PPP2R5C: variants seen among roughly 807,000 people sequenced by gnomAD.
PPP2R5C encodes protein phosphatase 2 regulatory subunit B'gamma.
A neutral mutation model predicts 68.9 loss-of-function variants in PPP2R5C; 7 were observed. The ratio of observed to expected loss-of-function variants is 0.10; its 90% confidence interval spans 0.06 to 0.19. The LOEUF (loss-of-function observed/expected upper bound fraction) is 0.19. PPP2R5C is among the 10% of genes least tolerant of loss of function. PPP2R5C has a pLI of 1.00. For missense variants in PPP2R5C, 348 were observed against 641.3 expected (o/e 0.54, Z 4.94); for synonymous variants, 210 against 222.2 (o/e 0.95, Z 0.49).
chr14:101,772,641 T>A (rs2037211089), intron 2 of PPP2R5C, among the ~76,000 whole-genome samples: 1 of 151,972 alleles, frequency 6.6e-6, no homozygotes, highest in Non-Finnish European at 1.5e-5. Flanking sequence ...TTAAAAATTT[T>A]TTTTAAAAGC....
At chr14:101,901,441 C>G (rs1337069654) in intron 8 of PPP2R5C, among the ~76,000 whole-genome samples, 3 of 152,202 alleles carry the variant, frequency 2.0e-5, no homozygotes, top group Non-Finnish European at 4.4e-5. Context: ...AGGAGGATCA[C>G]TTGAGCCAAG....
intron 3 of PPP2R5C, among the ~76,000 whole-genome samples, chr14:101,792,021 G>T (rs557335645): frequency 2.0e-5 from 3 of 152,150 alleles, no homozygotes; most frequent in Admixed American, 2.0e-4. Flanking sequence ...GCCAATCTGG[G>T]AGTGCCTTAA....
At chr14:101,924,445 C>CTTTTATTTTTTTTTTTTTTTTTT (rs2047178458) in intron 13 of PPP2R5C, among the ~76,000 whole-genome samples, 1 of 84,502 alleles carries the variant, frequency 1.2e-5, no homozygotes, top group African/African-American at 4.3e-5. Context: ...ATTTCTACAT[C>CTTTTATTTTTTTTTTTTTTTTTT]TTTTTTTTTT....
chr14:101,837,657 G>A (rs2041199493), intron 1 of PPP2R5C, among the ~76,000 whole-genome samples: 1 of 152,156 alleles, frequency 6.6e-6, no homozygotes, highest in African/African-American at 2.4e-5. Flanking sequence ...ATGGAGGCGA[G>A]GACTGTGGGC....
At chr14:101,817,725 GTC>G (rs1397896945) in intron 1 of PPP2R5C, among the ~76,000 whole-genome samples, 1 of 117,898 alleles carries the variant, frequency 8.5e-6, no homozygotes, top group Non-Finnish European at 1.6e-5. Flanking sequence ...AAGCTGAACT[GTC>G]TAGGGCATGT....
chr14:101,814,178 G>A (rs2039526356), intron 1 of PPP2R5C, among the ~76,000 whole-genome samples: 1 of 152,226 alleles, frequency 6.6e-6, no homozygotes, highest in Non-Finnish European at 1.5e-5. Context: ...TTTGAATGAT[G>A]ACTAAACAGT....
At chr14:101,836,562 C>A (rs910741001) in intron 1 of PPP2R5C, 4 of 559,448 alleles carry the variant, frequency 7.1e-6, no homozygotes, top group Non-Finnish European at 9.6e-6. Context: ...AATATAATAT[C>A]TCTACTTTAA....
At chr14:101,763,098 T>C in intron 2 of PPP2R5C, 128 bp downstream of exon 2, 2 of 735,512 alleles carry the variant, frequency 2.7e-6, no homozygotes, top group Non-Finnish European at 2.2e-6. Context: ...TTTTGTGGTG[T>C]CTTTTATAAC....
intron 6 of PPP2R5C, among the ~76,000 whole-genome samples, 178 bp downstream of exon 8, chr14:101,890,474 A>G (rs1343647548): frequency 6.6e-6 from 1 of 152,198 alleles, no homozygotes; most frequent in African/African-American, 2.4e-5. Context: ...GAGCACGCCA[A>G]ATGACAAATC....
At chr14:101,820,226 C>T (rs2039967591) in intron 1 of PPP2R5C, 1 of 152,128 alleles carries the variant, frequency 6.6e-6, no homozygotes. Flanking sequence ...GTTTTTGGCC[C>T]ATGGTAAAAT....
intron 1 of PPP2R5C, chr14:101,836,041 C>T (rs2041071778): frequency 1.7e-6 from 1 of 599,656 alleles, no homozygotes. Flanking sequence ...TAGTAGGAAA[C>T]ACTAGTAAGA....
intron 8 of PPP2R5C, among the ~76,000 whole-genome samples, chr14:101,897,691 A>G (rs1245665480): frequency 6.6e-6 from 1 of 151,988 alleles, no homozygotes; most frequent in East Asian, 1.9e-4. Flanking sequence ...CCACTGACTC[A>G]CATGTTAATC....
At chr14:101,889,438 G>T (rs901205966) in intron 5 of PPP2R5C, among the ~76,000 whole-genome samples, 1 of 152,296 alleles carries the variant, frequency 6.6e-6, no homozygotes, top group East Asian at 1.9e-4. Context: ...CTCTCTTTGT[G>T]CCCGGTTTAT....
upstream of PPP2R5C, among the ~76,000 whole-genome samples, chr14:101,805,927 T>TA (rs1196401659): frequency 3.3e-5 from 5 of 152,154 alleles, no homozygotes; most frequent in Admixed American, 2.6e-4. Context: ...TACTGTTTAA[T>TA]GGGGACAGAG....
chr14:101,852,435 ATT>A (rs1448068943), intron 1 of PPP2R5C, among the ~76,000 whole-genome samples: 1 of 144,562 alleles, frequency 6.9e-6, no homozygotes, highest in East Asian at 2.0e-4. Context: ...AGAATAGCAC[ATT>A]CTTTTTTTTT....
chr14:101,818,789 G>A (rs2039869912), intron 1 of PPP2R5C: 1 of 518,282 alleles, frequency 1.9e-6, no homozygotes, highest in East Asian at 3.0e-5. Flanking sequence ...ATATCTTATT[G>A]TTTTTAAATG....
chr14:101,829,712 T>C (rs560420114), intron 1 of PPP2R5C, among the ~76,000 whole-genome samples: 1 of 152,172 alleles, frequency 6.6e-6, no homozygotes, highest in Non-Finnish European at 1.5e-5. Context: ...GCATGGACCC[T>C]GATTACAGCG....
intron 2 of PPP2R5C, 105 bp downstream of exon 2, chr14:101,763,075 T>A (rs1030654475): frequency 9.9e-7 from 1 of 1,012,502 alleles, no homozygotes; most frequent in Non-Finnish European, 1.4e-6. Context: ...TGTTTCCCTA[T>A]GTGAGGTTTT....
chr14:101,804,031 A>T (rs778275988), intron 3 of PPP2R5C, among the ~76,000 whole-genome samples: 2 of 152,220 alleles, frequency 1.3e-5, no homozygotes, highest in African/African-American at 2.4e-5. Flanking sequence ...CTATAGGAAA[A>T]AAAACTAATA....
Sources: gnomAD v4.1 joint callset for allele counts (sites outside exome capture counted in the v4.1 genomes callset) on GRCh38, gnomAD v4.1.1 for gene constraint, MANE v1.5 for transcripts, NCBI Gene and HGNC (gene_info 2026-07-23, HGNC 2026-07-21) for gene names.